Variants in GRIK5 observed in about 807,000 individuals in gnomAD.
The protein encoded by GRIK5 is glutamate ionotropic receptor kainate type subunit 5.
A neutral mutation model predicts 97.4 loss-of-function variants in GRIK5; 43 were observed. The observed-to-expected ratio is 0.44, with a 90% CI of 0.35 to 0.57. The LOEUF (loss-of-function observed/expected upper bound fraction) is 0.57, where lower values mean the gene tolerates loss of function less well. GRIK5 is among the 20% of genes least tolerant of loss of function. GRIK5 has a pLI of 0.01. For missense variants in GRIK5, 1,015 were observed against 1,382.0 expected, an observed-to-expected ratio of 0.73 and a Z score of 4.21; for synonymous variants, 580 against 583.5, an observed-to-expected ratio of 0.99 and a Z score of 0.09.
At chr19:42,045,355 G>A (rs1315486280) in intron 11 of GRIK5, among the ~76,000 whole-genome samples, 1 of 152,198 alleles carries the variant, frequency 6.6e-6, no homozygotes, top group African/African-American at 2.4e-5. Context: ...CTGCTGGAGG[G>A]TGAGTGAACC....
chr19:42,067,010 G>A (rs746514037), intron 1 of GRIK5, among the ~76,000 whole-genome samples: 1 of 152,194 alleles, frequency 6.6e-6, no homozygotes, highest in Non-Finnish European at 1.5e-5. Flanking sequence ...AAGGAGTCAG[G>A]GATTCCTCTA....
intron 15 of GRIK5, among the ~76,000 whole-genome samples, chr19:42,011,031 G>A (rs574602386): frequency 1.3e-5 from 2 of 151,588 alleles, no homozygotes; most frequent in African/African-American, 4.8e-5. Context: ...GGTGTTGGAC[G>A]CCTGGGTTCA....
intron 12 of GRIK5, among the ~76,000 whole-genome samples, chr19:42,039,915 G>T (rs2075958067): frequency 6.6e-6 from 1 of 152,080 alleles, no homozygotes; most frequent in Non-Finnish European, 1.5e-5. Context: ...AGGAGGTGGA[G>T]GCTGCAGTGA....
At position 42,062,737 on chromosome 19, in the gene GRIK5, G is replaced by A. The variant is rs371287557; in HGVS notation, c.342+21C>T. ...AGGGACCCGCTCCCCACAAAGCGCCGGCCCACACTCCCCATCTCACCTCCT... is the reference window on the plus strand; with the variant it reads ...AGGGACCCGCTCCCCACAAAGCGCCAGCCCACACTCCCCATCTCACCTCCT... On this transcript the variant is annotated intron_variant, in intron 4 of 19. Coordinates refer to ENST00000593562, the MANE Select transcript of GRIK5 (RefSeq NM_002088.5). This position sits in a 1 kb window ranked among gnomAD's most constrained non-coding sequence, Gnocchi z 5.3. 135 of 1,611,712 alleles carry A rather than the reference G, an allele frequency of 8.4e-5. No homozygotes were observed. The highest frequency in any genetic ancestry group is 4.0e-4 in the Admixed American group (24 of 59,980).
At chr19:42,030,738 A>G (rs2075831601) in intron 12 of GRIK5, among the ~76,000 whole-genome samples, 1 of 152,060 alleles carries the variant, frequency 6.6e-6, no homozygotes, top group Non-Finnish European at 1.5e-5. Flanking sequence ...TGCTGGGATT[A>G]CAGGCATTAG....
At chr19:42,039,370 G>C (rs1342262888) in intron 12 of GRIK5, among the ~76,000 whole-genome samples, 1 of 152,198 alleles carries the variant, frequency 6.6e-6, no homozygotes, top group Non-Finnish European at 1.5e-5. Context: ...CTACTCAGGA[G>C]GCTGAGGCAG....
At position 41,998,980 on chromosome 19, in the gene GRIK5, G is replaced by T; in HGVS notation, c.2834C>A (p.Ser945Ter). ...GCCACGCGGAGGCGCGCCGGCCCCC[G>T]AGGCCCGCAGCGCCTGGATGCGCCG... is the stretch of plus-strand genomic sequence containing the variant. ...ECRRIQALRA[S>*]GAGAPPRGLG... is the part of the protein sequence containing the mutation. The change falls in exon 20 of 20, where the codon TCG becomes TAG. Residue 945 changes from serine (S) to a stop codon, truncating the protein, a stop_gained. Transcript: ENST00000593562. LOFTEE classifies it low-confidence loss of function (END_TRUNC). 8.4e-7 allele frequency: 1 copy of T among 1,191,992 alleles called. No individual in the cohort carries two copies. The highest frequency in any genetic ancestry group is 1.0e-6 in the Non-Finnish European group (1 of 956,108). 73.8% of individuals were successfully genotyped at this position (1,191,992 alleles called of 1,614,324 possible).
chr19:41,998,844 C>T lies in GRIK5; in HGVS notation c.*27G>A. The T allele has an allele frequency of 9.1e-7, 1 of 1,101,620 alleles. No homozygotes were observed. Among genetic ancestry groups the T allele is most frequent in the Non-Finnish European group, 1.1e-6 (1 of 900,712 alleles). 68.2% of individuals were successfully genotyped at this position (1,101,620 alleles called of 1,614,324 possible). ...GCGGGCCCCGTCCCTTCGGTCAGTC[C>T]GGGCGCCCGCACAGCCCCGCCCGTG... On this transcript the variant is annotated 3_prime_UTR_variant, in exon 20 of 20. Transcript: ENST00000593562.
intron 15 of GRIK5, among the ~76,000 whole-genome samples, chr19:42,016,923 A>G (rs947195929): frequency 2.6e-5 from 4 of 151,962 alleles, no homozygotes; most frequent in Non-Finnish European, 4.4e-5. Flanking sequence ...TCCTTGGTAC[A>G]TTAAAAACCC....
chr19:42,043,563 C>T (rs1057369437), intron 11 of GRIK5, among the ~76,000 whole-genome samples: 6 of 151,878 alleles, frequency 4.0e-5, no homozygotes, highest in African/African-American at 9.7e-5. Flanking sequence ...CCTGCCACCA[C>T]GCCCGCCCAA....
Position 42,062,891 on chromosome 19 carries a change from A to G in GRIK5, c.245-36T>C. On this transcript the variant is annotated intron_variant, in intron 3 of 19. Coordinates refer to ENST00000593562, the MANE Select transcript of GRIK5 (RefSeq NM_002088.5). This position sits in a 1 kb window ranked among gnomAD's most constrained non-coding sequence, Gnocchi z 5.3. The stretch of plus-strand genomic sequence containing the variant: ...AGGGGAAGAGACCGCAGAGTCAGGG[A>G]CCCCCTGCCTCCTCTCCTTCCCCAT... The G allele has an allele frequency of 6.8e-7, 1 of 1,470,586 alleles. No homozygotes were observed. Among genetic ancestry groups the G allele is most frequent in the Non-Finnish European group, 9.5e-7 (1 of 1,050,484 alleles). The allele number at this position is 1,470,586 out of a possible 1,614,324, so 91.1% of individuals were successfully genotyped here.
chr19:42,031,757 ATTC>A (rs1439309658), intron 12 of GRIK5, among the ~76,000 whole-genome samples: 2 of 152,254 alleles, frequency 1.3e-5, no homozygotes, highest in Non-Finnish European at 2.9e-5. Flanking sequence ...CAAAAAGGGT[ATTC>A]TTCTTCCACC....
intron 11 of GRIK5, among the ~76,000 whole-genome samples, chr19:42,045,281 T>C (rs1334901045): frequency 5.3e-5 from 8 of 152,216 alleles, no homozygotes; most frequent in Non-Finnish European, 8.8e-5. Flanking sequence ...GCAGAAGTGA[T>C]GCCGTGTGAA....
chr19:42,045,442 G>A (rs1403485429), intron 11 of GRIK5, among the ~76,000 whole-genome samples: 3 of 152,228 alleles, frequency 2.0e-5, no homozygotes, highest in Non-Finnish European at 4.4e-5. Flanking sequence ...GCTGAATGCT[G>A]CCGCAGTGTG....
intron 15 of GRIK5, among the ~76,000 whole-genome samples, chr19:42,018,441 T>TTAAG (rs2075654431): frequency 6.6e-6 from 1 of 151,204 alleles, no homozygotes; most frequent in African/African-American, 2.5e-5. Context: ...AGTGGATCAC[T>TTAAG]TAAGGTCAGG....
intron 1 of GRIK5, chr19:42,068,903 T>A (rs1455729244): frequency 1.5e-6 from 1 of 684,320 alleles, no homozygotes; most frequent in Non-Finnish European, 2.7e-6. Context: ...AAAGAGCCAG[T>A]CTGGGACCAG....
At chr19:42,061,707 A>G (rs1599849222) in intron 5 of GRIK5, among the ~76,000 whole-genome samples, 1 of 151,562 alleles carries the variant, frequency 6.6e-6, no homozygotes, top group East Asian at 1.9e-4. Flanking sequence ...CTCTCACATC[A>G]CCCTGGCCCC....
chr19:42,064,066 C>T (rs1349068923), intron 3 of GRIK5, among the ~76,000 whole-genome samples: 1 of 152,144 alleles, frequency 6.6e-6, no homozygotes, highest in African/African-American at 2.4e-5. Context: ...TGTCCTGTCT[C>T]TTCTTTGTCC....
intron 16 of GRIK5, 33 bp from the exon 17 acceptor site, chr19:42,005,981 G>A (rs782811310): frequency 2.7e-6 from 3 of 1,122,666 alleles, no homozygotes; most frequent in Middle Eastern, 2.2e-4. Context: ...GAAGATGGGA[G>A]GGTCTTTCCA....
Sources: gnomAD v4.1 joint callset for allele counts (sites outside exome capture counted in the v4.1 genomes callset) on GRCh38, gnomAD v4.1.1 for gene constraint, Gnocchi (gnomAD v3.1) non-coding constraint, MANE v1.5 for transcripts, NCBI Gene and HGNC (gene_info 2026-07-23, HGNC 2026-07-21) for gene names.